The following MTUS2 variants were observed in gnomAD, a reference collection of about 807,000 sequenced individuals.
MTUS2 encodes microtubule-associated tumor suppressor candidate 2.
MTUS2 carries 40 observed loss-of-function variants against 114.1 expected under a neutral mutation model. The observed-to-expected ratio is 0.35, with a 90% confidence interval of 0.27 to 0.46. MTUS2 has a LOEUF of 0.46. Among genes scored for constraint, MTUS2 ranks in the 20% least tolerant of loss-of-function variants. The pLI is 1.00. For missense variants in MTUS2, 1,679 were observed against 1,705.4 expected (o/e 0.98, Z 0.27); for synonymous variants, 688 against 672.0 (o/e 1.02, Z -0.37).
intron 2 of MTUS2, among the ~76,000 whole-genome samples, chr13:28,883,336 A>G (rs1878402350): frequency 6.6e-6 from 1 of 152,238 alleles, no homozygotes. Flanking sequence ...ATTTTCATAC[A>G]TGAACCTGCA....
At chr13:28,989,842 G>GTTTT (rs1475335996) in intron 2 of MTUS2, among the ~76,000 whole-genome samples, 6 of 102,726 alleles carry the variant, frequency 5.8e-5, no homozygotes, top group African/African-American at 2.1e-4. Context: ...CCTTTTTTTT[G>GTTTT]TTTTGTTTTG....
At chr13:29,302,067 G>A (rs1227273746) in intron 6 of MTUS2, among the ~76,000 whole-genome samples, 1 of 152,196 alleles carries the variant, frequency 6.6e-6, no homozygotes, top group African/African-American at 2.4e-5. Context: ...TTTCGGGGAT[G>A]GATCCAAGAT....
chr13:29,419,275 G>C (rs1055305229), intron 8 of MTUS2, among the ~76,000 whole-genome samples: 1 of 152,144 alleles, frequency 6.6e-6, no homozygotes, highest in African/African-American at 2.4e-5. Context: ...GTGGATCCTG[G>C]GGAGAGTCAA....
At chr13:29,098,298 C>T (rs574411730) in intron 4 of MTUS2, among the ~76,000 whole-genome samples, 1 of 152,094 alleles carries the variant, frequency 6.6e-6, no homozygotes, top group Non-Finnish European at 1.5e-5. Flanking sequence ...TTCTGCAAAC[C>T]CTGAAGGCGT....
rs140006319 is a variant in MTUS2 at position 29,177,812 on chromosome 13, A to G, written c.2644+76842A>G. Among the ~76,000 whole-genome samples, 1,034 of 152,222 alleles carry G rather than the reference A, an allele frequency of 6.8e-3. 12 individuals carry two copies. Among genetic ancestry groups the G allele is most frequent in the African/African-American group, 0.023 (956 of 41,526 alleles). On this transcript the variant is annotated intron_variant, in intron 5 of 15. Coordinates refer to ENST00000612955, the MANE Select transcript of MTUS2 (RefSeq NM_001033602.4). ...ATAGTAGCATCGTGGAGAAGCTCCA[A>G]TGTGTGCTCAGATGAGGACCCTGAG...
intron 2 of MTUS2, among the ~76,000 whole-genome samples, chr13:29,006,441 T>C (rs1885603739): frequency 6.6e-6 from 1 of 152,244 alleles, no homozygotes; most frequent in South Asian, 2.1e-4. Context: ...GTGTGTTATA[T>C]ACATTTTTTC....
At chr13:29,035,864 G>T (rs968785803) in intron 4 of MTUS2, among the ~76,000 whole-genome samples, 11 of 152,054 alleles carry the variant, frequency 7.2e-5, no homozygotes, top group South Asian at 6.2e-4. Context: ...GAAAAACCAG[G>T]CTTGGCGTGG....
intron 2 of MTUS2, among the ~76,000 whole-genome samples, chr13:28,915,540 G>A (rs974798240): frequency 6.6e-6 from 1 of 151,888 alleles, no homozygotes; most frequent in Non-Finnish European, 1.5e-5. Flanking sequence ...GCATTTCTCT[G>A]ATGATCAGTG....
At chr13:29,477,370 C>T (rs1474853092) in intron 9 of MTUS2, among the ~76,000 whole-genome samples, 1 of 152,172 alleles carries the variant, frequency 6.6e-6, no homozygotes, top group African/African-American at 2.4e-5. Context: ...GCTAGCTCAA[C>T]TCCCTGGTGG....
chr13:29,325,455 CAAAAA>C lies in MTUS2; in HGVS notation c.2905+755_2905+759del, dbSNP rs761433335. ...TGGGTGACAGAGTGAGACTTCATCT[CAAAAA>C]AAAAAAAAAAGAAAAGAAGAAGAGG... On this transcript the variant is annotated intron_variant, in intron 7 of 15. Coordinates refer to ENST00000612955, the MANE Select transcript of MTUS2 (RefSeq NM_001033602.4). Among the ~76,000 whole-genome samples the C allele has an allele frequency of 2.3e-3, 118 of 52,336 alleles. 3 individuals carry two copies. The highest frequency in any genetic ancestry group is 4.5e-4 in the Non-Finnish European group (12 of 26,896). 34.3% of individuals were successfully genotyped at this position (52,336 alleles called of 152,430 possible).
chr13:29,306,252 A>G (rs1899451589), intron 6 of MTUS2, among the ~76,000 whole-genome samples: 1 of 152,046 alleles, frequency 6.6e-6, no homozygotes, highest in Non-Finnish European at 1.5e-5. Context: ...CTCTCTCACC[A>G]CTCCTATTCA....
chr13:29,287,360 A>G (rs138953661), intron 6 of MTUS2, among the ~76,000 whole-genome samples: 6 of 152,322 alleles, frequency 3.9e-5, no homozygotes, highest in Admixed American at 3.9e-4. Context: ...TAGGAGTTCC[A>G]GTGGGGATGC....
Position 29,385,281 on chromosome 13 carries a change from G to A in MTUS2, c.3117+25808G>A, listed in dbSNP as rs373956219. ...CATTGTCCCTGTGGTCCCTAGGGTA[G>A]CTCTGTGGCCTGTCCCTGCTCTCTG... On this transcript the variant is annotated intron_variant, in intron 8 of 15. Transcript: ENST00000612955. Among the ~76,000 whole-genome samples the A allele has an allele frequency of 1.9e-4, 29 of 152,330 alleles. No individual in the cohort carries two copies. The South Asian group carries it at 6.0e-3, about 32-fold the overall frequency.
intron 5 of MTUS2, among the ~76,000 whole-genome samples, chr13:29,222,023 A>G (rs966869260): frequency 6.6e-6 from 1 of 152,208 alleles, no homozygotes; most frequent in Non-Finnish European, 1.5e-5. Context: ...ATCATAGCAC[A>G]CTAGAGCCTT....
Position 29,024,844 on chromosome 13 carries a change from A to C in MTUS2, c.146A>C (p.Asp49Ala), listed in dbSNP as rs772832072. The C allele has an allele frequency of 6.2e-7, 1 of 1,614,010 alleles. No individual in the cohort carries two copies. Among genetic ancestry groups the C allele is most frequent in the Non-Finnish European group, 8.5e-7 (1 of 1,179,886 alleles). ...QIMLEVSSSH[D>A]ESKTCDLGDE... ...ATGTTGGAGGTCAGCTCCTCTCATG[A>C]CGAGTCCAAGACATGTGACCTGGGA... The change falls in exon 3 of 16, where the codon GAC (aspartate) becomes GCC (alanine). Residue 49 changes from aspartate (D) to alanine (A), a missense_variant. Asp to Ala is a moderately radical substitution (Grantham distance 126). This residue lies in a region of MTUS2 where 843 missense variants were observed against 770.8 expected (regional missense o/e 1.09). Transcript: ENST00000612955.
intron 2 of MTUS2, among the ~76,000 whole-genome samples, chr13:28,884,245 C>T (rs138406480): frequency 3.7e-4 from 56 of 152,234 alleles, no homozygotes; most frequent in African/African-American, 1.3e-3. Context: ...AAATTCTGAC[C>T]TATGCTGAGG....
intron 8 of MTUS2, among the ~76,000 whole-genome samples, chr13:29,433,786 A>G (rs1482378257): frequency 6.6e-6 from 1 of 152,248 alleles, no homozygotes. Context: ...ATTTAAACTC[A>G]TAGAGCCCTA....
intron 5 of MTUS2, among the ~76,000 whole-genome samples, chr13:29,148,725 G>A (rs1324198348): frequency 1.5e-5 from 1 of 65,714 alleles, no homozygotes; most frequent in African/African-American, 3.2e-5. Flanking sequence ...TGATCCGCCC[G>A]CCTCGGCCTC....
rs554081676 is a variant in MTUS2 at position 29,389,556 on chromosome 13, T to C, written c.3117+30083T>C. 1.6e-4 allele frequency among the ~76,000 whole-genome samples: 10 copies of C among 62,624 alleles called. 2 individuals carry two copies. Among genetic ancestry groups the C allele is most frequent in the African/African-American group, 4.7e-4 (9 of 19,040 alleles). 41.1% of individuals were successfully genotyped at this position (62,624 alleles called of 152,430 possible). A position where few individuals can be genotyped will look rare whatever the true frequency, so the allele number is the denominator to read the frequency against. On this transcript the variant is annotated intron_variant, in intron 8 of 15. Transcript: ENST00000612955. Reference sequence around the variant, plus strand: ...ATACACGTGTGTATATGTATACACGTGTGTATATGTGTACATATGTGTGTA... The same window carrying C: ...ATACACGTGTGTATATGTATACACGCGTGTATATGTGTACATATGTGTGTA...
Sources: allele counts gnomAD v4.1 joint callset (sites outside exome capture counted in the v4.1 genomes callset), GRCh38; gene constraint gnomAD v4.1.1; regional missense constraint gnomAD v4.1.1; transcripts MANE v1.5; gene names NCBI Gene and HGNC (gene_info 2026-07-23, HGNC 2026-07-21).